CCDC66: variants seen among roughly 807,000 people sequenced by gnomAD.
The protein encoded by CCDC66 is coiled-coil domain-containing protein 66.
Under a neutral mutation model 128.3 loss-of-function variants are expected in CCDC66, and 133 were observed. The ratio of observed to expected loss-of-function variants is 1.04; its 90% CI spans 0.90 to 1.20. The LOEUF is 1.20. CCDC66 is among the 50% of genes most tolerant of loss of function. CCDC66 has a pLI of 0.00. For missense variants in CCDC66, 1,126 were observed against 1,075.5 expected (o/e 1.05, Z -0.66); for synonymous variants, 387 against 357.0 (o/e 1.08, Z -0.95).
In CCDC66 at chr3:56,593,928, G is replaced by T. The variant is rs770370014; in HGVS notation, c.1320-16G>T. 2 of 1,613,288 alleles carry T rather than the reference G, an allele frequency of 1.2e-6. No individual in the cohort carries two copies. The highest frequency in any genetic ancestry group is 1.7e-6 in the Non-Finnish European group (2 of 1,179,248). ...CTTTTTGAGGTTTTGAATAGCTAAT[G>T]TATGTATCTTGCCAGCTTTCTCCGT... is the stretch of plus-strand genomic sequence containing the variant. On this transcript the variant is annotated splice_polypyrimidine_tract_variant and intron_variant, in intron 9 of 17. Transcript: ENST00000394672.
intron 10 of CCDC66, among the ~76,000 whole-genome samples, chr3:56,601,164 G>A (rs282543): frequency 0.73 from 111,045 of 151,868 alleles, 41,567 homozygotes; most frequent in Non-Finnish European, 0.81. Flanking sequence ...GTGTAAGGAA[G>A]GAGTCCAGTT....
chr3:56,582,008 C>T (rs954161837), intron 7 of CCDC66, among the ~76,000 whole-genome samples: 7 of 151,916 alleles, frequency 4.6e-5, no homozygotes, highest in African/African-American at 1.4e-4. Flanking sequence ...GCCCTGCCCC[C>T]AGAGGTGGAG....
chr3:56,617,420 A>C lies in CCDC66; in HGVS notation c.2152A>C (p.Lys718Gln). 1 of 1,614,088 alleles carries C rather than the reference A, an allele frequency of 6.2e-7. No homozygotes were observed. Among genetic ancestry groups the C allele is most frequent in the Non-Finnish European group, 8.5e-7 (1 of 1,179,986 alleles). The change falls in exon 14 of 18, where the codon AAG (lysine) becomes CAG (glutamine). Residue 718 changes from lysine to glutamine, a missense_variant. Transcript: ENST00000394672. ...PPKRYIPASE[K>Q]YPKQLQKQRE... ...TAAAAGGTATATTCCAGCATCAGAA[A>C]AGTACCCTAAACAGCTTCAAAAGCA...
intron 13 of CCDC66, 97 bp from the exon 14 acceptor site, chr3:56,617,015 C>A: frequency 1.0e-6 from 1 of 992,096 alleles, no homozygotes; most frequent in Non-Finnish European, 1.4e-6. Context: ...AGAAAAAAGT[C>A]TTAGAGGGCA....
At position 56,595,547 on chromosome 3, in the gene CCDC66, T is replaced by G. The variant is rs542687362; in HGVS notation, c.1404+1519T>G. Among the ~76,000 whole-genome samples, 20 of 152,344 alleles carry G rather than the reference T, an allele frequency of 1.3e-4. No homozygotes were observed. In the East Asian group the frequency reaches 3.8e-3, roughly 29 times the overall value. ...TTTCACTTAACATAATGACGTCCAG[T>G]CCCATCTGTGTTGCTGTAAATGACA... On this transcript the variant is annotated intron_variant, in intron 10 of 17. Coordinates refer to ENST00000394672, the MANE Select transcript of CCDC66 (RefSeq NM_001141947.3).
At chr3:56,595,222 G>C (rs9985253) in intron 10 of CCDC66, among the ~76,000 whole-genome samples, 48,163 of 151,990 alleles carry the variant, frequency 0.32, 8,040 homozygotes, top group East Asian at 0.48. Flanking sequence ...CTATCACCTT[G>C]AGTATTTATC....
chr3:56,563,073 A>T (rs1360567248), intron 3 of CCDC66, among the ~76,000 whole-genome samples: 1 of 152,132 alleles, frequency 6.6e-6, no homozygotes. Context: ...TATAATAATA[A>T]AAAATGGCTG....
intron 7 of CCDC66, among the ~76,000 whole-genome samples, chr3:56,581,279 A>G (rs575977338): frequency 6.6e-6 from 1 of 151,828 alleles, no homozygotes; most frequent in South Asian, 2.1e-4. Flanking sequence ...GGACTTCTCT[A>G]CACTGTTTAT....
intron 7 of CCDC66, among the ~76,000 whole-genome samples, chr3:56,574,916 C>A (rs1479046759): frequency 6.6e-6 from 1 of 151,694 alleles, no homozygotes; most frequent in Non-Finnish European, 1.5e-5. Context: ...TATGTATATA[C>A]CATGTTTTCT....
chr3:56,613,528 G>T, intron 10 of CCDC66, 61 bp from the exon 11 acceptor site: 2 of 1,562,062 alleles, frequency 1.3e-6, no homozygotes, highest in Non-Finnish European at 1.7e-6. Context: ...CAGCCATCTT[G>T]AATTCCCTCC....
At chr3:56,580,885 T>A (rs1276123560) in intron 7 of CCDC66, among the ~76,000 whole-genome samples, 1 of 151,792 alleles carries the variant, frequency 6.6e-6, no homozygotes, top group Non-Finnish European at 1.5e-5. Flanking sequence ...CAATTATGTG[T>A]CTTGGGGTTG....
intron 7 of CCDC66, among the ~76,000 whole-genome samples, chr3:56,575,756 A>G (rs1300426000): frequency 6.6e-6 from 1 of 151,798 alleles, no homozygotes; most frequent in Non-Finnish European, 1.5e-5. Context: ...AGTTTTCTAT[A>G]TGGTATAAGG....
At chr3:56,560,616 A>G (rs1268331744) in intron 3 of CCDC66, among the ~76,000 whole-genome samples, 1 of 152,128 alleles carries the variant, frequency 6.6e-6, no homozygotes, top group Non-Finnish European at 1.5e-5. Flanking sequence ...GCTACTTAGG[A>G]GGCTGAGGCA....
intron 7 of CCDC66, among the ~76,000 whole-genome samples, chr3:56,584,693 G>T (rs940972344): frequency 6.6e-6 from 1 of 151,964 alleles, no homozygotes; most frequent in East Asian, 2.0e-4. Flanking sequence ...GCAGGGTGGC[G>T]GCCGGGCAGA....
intron 10 of CCDC66, among the ~76,000 whole-genome samples, chr3:56,601,301 CT>C (rs1206358281): frequency 1.2e-4 from 19 of 152,056 alleles, no homozygotes; most frequent in African/African-American, 3.9e-4. Flanking sequence ...GGTGTTATTT[CT>C]GAGGCCTCTC....
chr3:56,567,283 G>A (rs1364361975), intron 6 of CCDC66, among the ~76,000 whole-genome samples: 4 of 152,098 alleles, frequency 2.6e-5, no homozygotes, highest in Non-Finnish European at 4.4e-5. Flanking sequence ...CCAGCTACTC[G>A]GGAGGCTGAG....
chr3:56,592,496 T>TTACA (rs1211589844), intron 7 of CCDC66, among the ~76,000 whole-genome samples: 1 of 151,786 alleles, frequency 6.6e-6, no homozygotes. Flanking sequence ...GTAGCTGGGA[T>TTACA]TACAGACATG....
intron 17 of CCDC66, 34 bp downstream of exon 17, chr3:56,619,935 C>G (rs756095268): frequency 1.2e-6 from 2 of 1,601,520 alleles, no homozygotes; most frequent in Non-Finnish European, 1.7e-6. Flanking sequence ...TATGTCTGTT[C>G]TTTATGTGGC....
At chr3:56,566,473 G>A in intron 4 of CCDC66, 121 bp from the exon 5 acceptor site, 1 of 611,494 alleles carries the variant, frequency 1.6e-6, no homozygotes, top group East Asian at 2.9e-5. Flanking sequence ...CTACCTCAAG[G>A]ATTGTTTTGA....
Sources: allele counts gnomAD v4.1 joint callset (sites outside exome capture counted in the v4.1 genomes callset), GRCh38; gene constraint gnomAD v4.1.1; transcripts MANE v1.5; gene names NCBI Gene and HGNC (gene_info 2026-07-23, HGNC 2026-07-21).